FA2H: variants seen among roughly 807,000 people sequenced by gnomAD.
The protein encoded by FA2H is fatty acid alpha-hydroxylase.
Under a neutral mutation model 44.9 loss-of-function variants are expected in FA2H, and 22 were observed. The ratio of observed to expected loss-of-function variants is 0.49; its 90% CI spans 0.35 to 0.70. FA2H has a LOEUF of 0.70. FA2H is among the 30% of genes least tolerant of loss of function. The pLI, the probability that FA2H is intolerant of heterozygous loss-of-function variation, is 0.01. For synonymous variants in FA2H, 243 were observed against 213.2 expected, an observed-to-expected ratio of 1.14 and a Z score of -1.22; for missense variants, 501 against 504.9, an observed-to-expected ratio of 0.99 and a Z score of 0.07.
chr16:74,741,914 T>C (rs1597557967), intron 1 of FA2H, among the ~76,000 whole-genome samples: 1 of 146,986 alleles, frequency 6.8e-6, no homozygotes, highest in South Asian at 2.2e-4. Flanking sequence ...CAAAGAAGAG[T>C]AGATTTTATA....
chr16:74,714,433 G>A (rs1961649223), intron 6 of FA2H, among the ~76,000 whole-genome samples, 164 bp from the exon 7 acceptor site: 2 of 152,098 alleles, frequency 1.3e-5, no homozygotes, highest in African/African-American at 4.8e-5. Context: ...TCAAGGGTGG[G>A]GAACCTGTGT....
chr16:74,714,362 G>C, intron 6 of FA2H, 93 bp from the exon 7 acceptor site: 1 of 813,432 alleles, frequency 1.2e-6, no homozygotes, highest in Non-Finnish European at 2.1e-6. Flanking sequence ...ATAAGAGGTG[G>C]AGACAATGTC....
At chr16:74,718,672 G>C (rs139955543) in intron 5 of FA2H, among the ~76,000 whole-genome samples, 1 of 152,212 alleles carries the variant, frequency 6.6e-6, no homozygotes, top group Non-Finnish European at 1.5e-5. Flanking sequence ...ACAGTGTCTC[G>C]CACACAGGAG....
intron 1 of FA2H, among the ~76,000 whole-genome samples, chr16:74,767,103 G>C (rs1485301462): frequency 6.6e-6 from 1 of 152,184 alleles, no homozygotes; most frequent in Admixed American, 6.5e-5. Context: ...GAGGTTAAGA[G>C]ATCAAGATCA....
At chr16:74,768,853 C>G (rs1386606178) in intron 1 of FA2H, among the ~76,000 whole-genome samples, 3 of 152,260 alleles carry the variant, frequency 2.0e-5, no homozygotes, top group Non-Finnish European at 4.4e-5. Flanking sequence ...GGAATTAAAA[C>G]ATGGCATCGA....
At chr16:74,771,379 T>C (rs539312738) in intron 1 of FA2H, among the ~76,000 whole-genome samples, 2 of 151,912 alleles carry the variant, frequency 1.3e-5, no homozygotes, top group East Asian at 3.9e-4. Flanking sequence ...TTAGCAGAGA[T>C]AAGATTTTAC....
chr16:74,736,021 T>A (rs1962172570), intron 2 of FA2H, among the ~76,000 whole-genome samples: 1 of 151,772 alleles, frequency 6.6e-6, no homozygotes. Context: ...GCTTTCTGCA[T>A]CATACTGGAA....
intron 1 of FA2H, among the ~76,000 whole-genome samples, chr16:74,768,214 T>G (rs1286272618): frequency 1.3e-5 from 2 of 152,224 alleles, no homozygotes; most frequent in Admixed American, 1.3e-4. Flanking sequence ...GAATCCTGTT[T>G]GTTTCTTTTT....
At position 74,724,569 on chromosome 16, in the gene FA2H, CCTTGCCTTGCTTTGTGGGCT is replaced by C. The variant is rs1396281680; in HGVS notation, c.613+1636_613+1655del. Among the ~76,000 whole-genome samples, 3 of 152,310 alleles carry C rather than the reference CCTTGCCTTGCTTTGTGGGCT, an allele frequency of 2.0e-5. No homozygotes were observed. In the East Asian group the frequency reaches 5.8e-4, roughly 29 times the overall value. On this transcript the variant is annotated intron_variant, in intron 4 of 6. Coordinates refer to ENST00000219368, the MANE Select transcript of FA2H (RefSeq NM_024306.5). Reference sequence around the variant, plus strand: ...TGCACTAGGATCCCGCCGAGTCTCCCCTTGCCTTGCTTTGTGGGCTCTTATTTTCTCTGCCTGTGGCTTGT... The same window carrying C: ...TGCACTAGGATCCCGCCGAGTCTCCCCTTATTTTCTCTGCCTGTGGCTTGT...
intron 1 of FA2H, among the ~76,000 whole-genome samples, chr16:74,750,653 A>C (rs1962510356): frequency 6.6e-6 from 1 of 152,052 alleles, no homozygotes; most frequent in African/African-American, 2.4e-5. Flanking sequence ...CTCCCTGTGC[A>C]GTTAAGGATG....
At chr16:74,756,040 G>A (rs1294840128) in intron 1 of FA2H, among the ~76,000 whole-genome samples, 1 of 152,206 alleles carries the variant, frequency 6.6e-6, no homozygotes, top group Non-Finnish European at 1.5e-5. Flanking sequence ...AGGAGGAGAT[G>A]CGGAATACAT....
At chr16:74,744,291 T>C (rs949392659) in intron 1 of FA2H, among the ~76,000 whole-genome samples, 1 of 152,102 alleles carries the variant, frequency 6.6e-6, no homozygotes, top group African/African-American at 2.4e-5. Flanking sequence ...TTTTAGAAAG[T>C]TTCTTGGAAA....
chr16:74,725,954 T>A (rs1362262084), intron 4 of FA2H: 8 of 395,002 alleles, frequency 2.0e-5, no homozygotes, highest in Non-Finnish European at 3.9e-5. Context: ...AGGCACTCAA[T>A]CTCTCTCTCT....
At chr16:74,726,818 G>A (rs1014779388) in intron 3 of FA2H, among the ~76,000 whole-genome samples, 3 of 152,342 alleles carry the variant, frequency 2.0e-5, no homozygotes, top group Admixed American at 2.0e-4. Flanking sequence ...GAGAAAAGAG[G>A]AGAGAGGCTG....
intron 1 of FA2H, among the ~76,000 whole-genome samples, chr16:74,740,606 A>G (rs171327): frequency 0.92 from 136,906 of 148,028 alleles, 63,347 homozygotes; most frequent in South Asian, 0.98. Flanking sequence ...ACGACAGAGC[A>G]AGACTCCATC....
chr16:74,765,738 G>C (rs899698276), intron 1 of FA2H, among the ~76,000 whole-genome samples: 18 of 151,756 alleles, frequency 1.2e-4, no homozygotes, highest in Admixed American at 6.6e-5. Context: ...TTTTTTTGTA[G>C]ACCTAAGGTC....
chr16:74,750,139 G>A (rs894961209), intron 1 of FA2H, among the ~76,000 whole-genome samples: 5 of 152,190 alleles, frequency 3.3e-5, no homozygotes, highest in African/African-American at 1.2e-4. Flanking sequence ...GACTTGCTGA[G>A]ACCACTTCTG....
intron 2 of FA2H, among the ~76,000 whole-genome samples, chr16:74,731,409 G>A (rs1354851746): frequency 6.6e-6 from 1 of 151,724 alleles, no homozygotes; most frequent in Non-Finnish European, 1.5e-5. Flanking sequence ...CTCCCAAAGT[G>A]CTGGGATTAC....
chr16:74,741,750 C>T (rs1354728116), intron 1 of FA2H, among the ~76,000 whole-genome samples: 4 of 132,784 alleles, frequency 3.0e-5, no homozygotes, highest in South Asian at 2.4e-4. Flanking sequence ...TGTGAGCCAC[C>T]GTGCTGGGCC....
Sources: allele counts gnomAD v4.1 joint callset (sites outside exome capture counted in the v4.1 genomes callset), GRCh38; gene constraint gnomAD v4.1.1; transcripts MANE v1.5; gene names NCBI Gene and HGNC (gene_info 2026-07-23, HGNC 2026-07-21).